HIVEP2: variants seen among roughly 807,000 people sequenced by gnomAD.
The protein encoded by HIVEP2 is HIVEP zinc finger 2, also known as transcription factor HIVEP2.
A neutral mutation model predicts 180.7 loss-of-function variants in HIVEP2; 14 were observed. The ratio of observed to expected loss-of-function variants is 0.08; its 90% CI spans 0.05 to 0.12. The LOEUF is 0.12. Among genes scored for constraint, HIVEP2 ranks in the 10% least tolerant of loss-of-function variants. HIVEP2 has a pLI of 1.00. For synonymous variants in HIVEP2, 1,184 were observed against 1,136.4 expected (o/e 1.04, Z -0.84); for missense variants, 2,579 against 3,008.5 (o/e 0.86, Z 3.34).
At chr6:142,793,315 G>GCTTCAT (rs1468825666) in intron 2 of HIVEP2, among the ~76,000 whole-genome samples, 10 of 152,020 alleles carry the variant, frequency 6.6e-5, no homozygotes. Flanking sequence ...CTCATGCTGT[G>GCTTCAT]CTTCATTGTA....
intron 2 of HIVEP2, among the ~76,000 whole-genome samples, chr6:142,809,853 C>T (rs1327508336): frequency 4.6e-5 from 7 of 152,182 alleles, no homozygotes; most frequent in African/African-American, 1.7e-4. Flanking sequence ...CACAGCCTCC[C>T]AGAGTGCTGA....
chr6:142,944,632 C>T (rs1016583908), intron 1 of HIVEP2, among the ~76,000 whole-genome samples: 10 of 152,316 alleles, frequency 6.6e-5, no homozygotes, highest in Non-Finnish European at 1.2e-4. Context: ...CTTCCTGTGG[C>T]TGCACCACGT....
intron 2 of HIVEP2, among the ~76,000 whole-genome samples, chr6:142,817,557 T>C (rs1049284998): frequency 7.2e-5 from 11 of 152,162 alleles, no homozygotes; most frequent in Admixed American, 4.6e-4. Context: ...ACATTACTAA[T>C]AAGTACAAGA....
intron 1 of HIVEP2, among the ~76,000 whole-genome samples, chr6:142,838,979 T>G (rs908702868): frequency 2.0e-5 from 3 of 152,104 alleles, no homozygotes; most frequent in Non-Finnish European, 4.4e-5. Context: ...TTCAATCTAC[T>G]TAGGAATTTT....
intron 1 of HIVEP2, among the ~76,000 whole-genome samples, chr6:142,881,987 T>C (rs1388217284): frequency 6.6e-6 from 1 of 152,214 alleles, no homozygotes; most frequent in Middle Eastern, 3.4e-3. Flanking sequence ...CTGCCCTAAT[T>C]ATCAGAGTTT....
intron 2 of HIVEP2, among the ~76,000 whole-genome samples, chr6:142,784,422 C>T (rs1437335097): frequency 1.3e-5 from 2 of 152,162 alleles, no homozygotes; most frequent in African/African-American, 4.8e-5. Context: ...TTCATGTGAA[C>T]ATTCAAAGTG....
chr6:142,830,822 C>T (rs541201076), intron 2 of HIVEP2, among the ~76,000 whole-genome samples: 16 of 152,184 alleles, frequency 1.1e-4, no homozygotes, highest in East Asian at 7.7e-4. Flanking sequence ...CATCACTGAC[C>T]GCTTCCTCCT....
At chr6:142,872,828 G>A (rs1254142554) in intron 1 of HIVEP2, among the ~76,000 whole-genome samples, 2 of 152,112 alleles carry the variant, frequency 1.3e-5, no homozygotes, top group South Asian at 2.1e-4. Context: ...GCAGTATTGG[G>A]TTTTTTACAA....
chr6:142,934,499 C>CA (rs1778007512), intron 1 of HIVEP2, among the ~76,000 whole-genome samples: 1 of 152,114 alleles, frequency 6.6e-6, no homozygotes, highest in Admixed American at 6.5e-5. Flanking sequence ...TCATTTTACC[C>CA]AAAAAGGCTA....
rs529189536 is a variant in HIVEP2, at chr6:142,806,888, C to T, written c.-527-23273G>A. ...TGGTTAAGTAACTGTCCAGGATCCA[C>T]GGTCCCTCTGGCTGTAAGGAGCTGG... On this transcript the variant is annotated intron_variant, in intron 2 of 9. Coordinates refer to ENST00000367603, the MANE Select transcript of HIVEP2 (RefSeq NM_006734.4). Among the ~76,000 whole-genome samples the T allele has an allele frequency of 3.9e-5, 6 of 152,262 alleles. No homozygotes were observed. The East Asian group carries it at 7.7e-4, about 20-fold the overall frequency.
rs1384493321 is a variant in HIVEP2, at chr6:142,945,043, C to T, written c.-641+56G>A. On this transcript the variant is annotated intron_variant, in intron 1 of 9. Transcript: ENST00000367603. This position sits in a 1 kb window ranked among gnomAD's most constrained non-coding sequence, Gnocchi z 5.5. ...CCGCAGGCCGGCGGCCCGGGCCTCGCGCCGCCAGCCCGCCCGGCCGCCTGC... is the reference window on the plus strand; with the variant it reads ...CCGCAGGCCGGCGGCCCGGGCCTCGTGCCGCCAGCCCGCCCGGCCGCCTGC... 6.8e-6 allele frequency: 1 copy of T among 146,554 alleles called. No individual in the cohort carries two copies. The highest frequency in any genetic ancestry group is 1.5e-5 in the Non-Finnish European group (1 of 65,934). 9.1% of individuals were successfully genotyped at this position (146,554 alleles called of 1,614,324 possible). A position where few individuals can be genotyped will look rare whatever the true frequency, so the allele number is the denominator to read the frequency against.
chr6:142,826,151 T>C (rs1460380280), intron 2 of HIVEP2, among the ~76,000 whole-genome samples: 1 of 152,214 alleles, frequency 6.6e-6, no homozygotes, highest in Non-Finnish European at 1.5e-5. Context: ...CTGAAAAGTA[T>C]CTAAGCTCGT....
intron 2 of HIVEP2, among the ~76,000 whole-genome samples, chr6:142,785,440 C>G (rs956361735): frequency 6.6e-6 from 1 of 150,726 alleles, no homozygotes; most frequent in Non-Finnish European, 1.5e-5. Context: ...GATATTTATA[C>G]GGAACCTTAA....
At position 142,871,515 on chromosome 6, in the gene HIVEP2, A is replaced by G. The variant is rs1027866563; in HGVS notation, c.-640-34468T>C. ...AAGACCATAAAACAAAACAAAACAA[A>G]AACTTTATTAAAATAATTCTATCTG... On this transcript the variant is annotated intron_variant, in intron 1 of 9. Coordinates refer to ENST00000367603, the MANE Select transcript of HIVEP2 (RefSeq NM_006734.4). Among the ~76,000 whole-genome samples the G allele has an allele frequency of 2.0e-5, 3 of 152,294 alleles. No homozygotes were observed. The East Asian group carries it at 5.8e-4, about 29-fold the overall frequency.
intron 2 of HIVEP2, among the ~76,000 whole-genome samples, chr6:142,831,515 C>T (rs759388259): frequency 2.2e-4 from 33 of 152,194 alleles, no homozygotes; most frequent in Non-Finnish European, 4.1e-4. Context: ...GGGCTTCCCA[C>T]GCCCCTTTGT....
intron 7 of HIVEP2, among the ~76,000 whole-genome samples, chr6:142,764,503 A>G (rs1042051422): frequency 2.0e-5 from 3 of 152,214 alleles, no homozygotes; most frequent in Non-Finnish European, 4.4e-5. Context: ...TATTATCTAG[A>G]CCACATAACA....
rs769163368 is a variant in HIVEP2, at chr6:142,770,730, G to C, written c.4009C>G (p.Arg1337Gly). The change falls in exon 5 of 10, where the codon CGG becomes GGG. Residue 1337 changes from arginine to glycine, a missense_variant. By Grantham distance (125) the Arg-to-Gly change is moderately radical (BLOSUM62 -2). Around this residue, in one of 11 missense-constraint regions of HIVEP2, gnomAD observed 523 missense variants for 577.0 expected, o/e 0.91. Coordinates refer to ENST00000367603, the MANE Select transcript of HIVEP2 (RefSeq NM_006734.4). The surrounding 1 kb of genome is among the most constrained non-coding windows in gnomAD (Gnocchi z 4.7). Reference protein sequence around the residue: ...QSLPGTVVPVRIQTHVPSYGS... With the variant: ...QSLPGTVVPVGIQTHVPSYGS... ...TAGGATGGTACGTGCGTCTGGATCC[G>C]AACAGGAACCACTGTTCCTGGGAGG... The C allele has an allele frequency of 1.2e-6, 2 of 1,613,974 alleles. No homozygotes were observed. The highest frequency in any genetic ancestry group is 1.3e-5 in the African/African-American group (1 of 74,926).
Position 142,773,262 on chromosome 6 carries a change from G to C in HIVEP2, c.1477C>G (p.Leu493Val), listed in dbSNP as rs763608948. The C allele has an allele frequency of 4.3e-6, 7 of 1,614,064 alleles. No homozygotes were observed. In the Admixed American group the frequency reaches 1.2e-4, roughly 27 times the overall value. ...TCACTGTTGAACTTAGTGGATTTCA[G>C]CATGCTCGTTTGACTGGGGTCGACA... is the stretch of plus-strand genomic sequence containing the variant. ...GDVDPSQTSM[L>V]KSTKFNSESR... is the part of the protein sequence containing the mutation. Residue 493 changes from leucine (L) to valine (V), a missense_variant, in exon 5 of 10, where the codon CTG becomes GTG. Leu to Val is a conservative substitution (Grantham distance 32). Coordinates refer to ENST00000367603, the MANE Select transcript of HIVEP2 (RefSeq NM_006734.4).
At chr6:142,858,536 C>T (rs1775886514) in intron 1 of HIVEP2, among the ~76,000 whole-genome samples, 1 of 152,146 alleles carries the variant, frequency 6.6e-6, no homozygotes, top group Admixed American at 6.5e-5. Context: ...CCCTTATCTG[C>T]TTCATCTTTT....
Sources: gnomAD v4.1 joint callset for allele counts (sites outside exome capture counted in the v4.1 genomes callset) on GRCh38, gnomAD v4.1.1 for gene constraint, gnomAD v4.1.1 regional missense constraint, Gnocchi (gnomAD v3.1) non-coding constraint, MANE v1.5 for transcripts, NCBI Gene and HGNC (gene_info 2026-07-23, HGNC 2026-07-21) for gene names.